The following SNX29 variants were observed in gnomAD, a reference collection of about 807,000 sequenced individuals.
SNX29 encodes the protein sorting nexin 29, also known as sorting nexin-29.
A neutral mutation model predicts 102.1 loss-of-function variants in SNX29; 78 were observed. That is an observed-to-expected ratio of 0.76 (90% CI 0.64 to 0.92). The LOEUF is 0.92. SNX29 is among the 40% of genes least tolerant of loss of function. The pLI is 0.00. For missense variants in SNX29, 1,280 were observed against 1,061.7 expected (o/e 1.21, Z -2.86); for synonymous variants, 580 against 414.5 (o/e 1.40, Z -4.85).
At position 12,572,141 on chromosome 16, in the gene SNX29, A is replaced by C. The variant is rs2079201060; in HGVS notation, c.*3512A>C. ...CCCTTGGCCCTGCTTCATACTTTGG[A>C]GCTTATTAAGATCAATTTTGATAAC... On this transcript the variant is annotated 3_prime_UTR_variant, in exon 21 of 21. Coordinates refer to ENST00000566228, the MANE Select transcript of SNX29 (RefSeq NM_032167.5). The C allele has an allele frequency of 1.0e-6, 1 of 1,002,178 alleles. No homozygotes were observed. Among genetic ancestry groups the C allele is most frequent in the Non-Finnish European group, 1.2e-6 (1 of 822,462 alleles). 62.1% of individuals were successfully genotyped at this position (1,002,178 alleles called of 1,614,324 possible).
At chr16:12,516,893 G>A (rs1423658896) in intron 19 of SNX29, among the ~76,000 whole-genome samples, 2 of 152,178 alleles carry the variant, frequency 1.3e-5, no homozygotes, top group East Asian at 1.9e-4. Context: ...GCTTCCAGGA[G>A]CCTCGTTGTC....
At chr16:12,027,621 C>A (rs1273420621) in intron 4 of SNX29, 177 bp downstream of exon 4, 5 of 691,090 alleles carry the variant, frequency 7.2e-6, no homozygotes, top group Non-Finnish European at 1.1e-5. Context: ...TGTCTGGCAT[C>A]TTAATTTAAA....
chr16:12,136,581 C>T (rs1047941596), intron 13 of SNX29, among the ~76,000 whole-genome samples: 3 of 152,238 alleles, frequency 2.0e-5, no homozygotes, highest in African/African-American at 4.8e-5. Context: ...TCTCCATCTT[C>T]CCTTGGCGCC....
rs903498289 is a variant in SNX29, at chr16:12,572,189, G to T, written c.*3560G>T. On this transcript the variant is annotated 3_prime_UTR_variant, in exon 21 of 21. Coordinates refer to ENST00000566228, the MANE Select transcript of SNX29 (RefSeq NM_032167.5). ...AACCATGTAATTTCTTAGAACCATG[G>T]CAGGTAGTATTGTGCTTTAAAAACC... 8 of 964,412 alleles carry T rather than the reference G, an allele frequency of 8.3e-6. No homozygotes were observed. The African/African-American group carries it at 1.0e-4, about 12-fold the overall frequency. The allele number at this position is 964,412 out of a possible 1,614,324, so 59.7% of individuals were successfully genotyped here.
Position 12,052,165 on chromosome 16 carries a change from A to T in SNX29, c.1067A>T (p.Asp356Val), listed in dbSNP as rs766288806. The change falls in exon 8 of 21, where the codon GAC becomes GTC. Residue 356 changes from aspartate to valine, a missense_variant. Transcript: ENST00000566228. The stretch of plus-strand genomic sequence containing the variant: ...GAAGATGTGGATGAAAACGAAGATG[A>T]CGTGTATGGAAACTCATCAGGAAGG... ...DDEDVDENED[D>V]VYGNSSGRKH... 3 of 1,613,802 alleles carry T rather than the reference A, an allele frequency of 1.9e-6. No homozygotes were observed. The Admixed American group carries it at 5.0e-5, about 27-fold the overall frequency.
At chr16:12,429,126 A>T (rs1253259511) in intron 18 of SNX29, among the ~76,000 whole-genome samples, 4 of 152,190 alleles carry the variant, frequency 2.6e-5, no homozygotes, top group Non-Finnish European at 5.9e-5. Context: ...AGCTCTTTCT[A>T]GTTAGTCCCA....
intron 1 of SNX29, among the ~76,000 whole-genome samples, chr16:11,995,558 C>T (rs149842913): frequency 6.6e-5 from 10 of 151,474 alleles, no homozygotes; most frequent in East Asian, 5.8e-4. Flanking sequence ...CTTCCCCCCC[C>T]ACCCCATCAT....
intron 20 of SNX29, among the ~76,000 whole-genome samples, chr16:12,540,370 T>C (rs566271952): frequency 7.2e-5 from 11 of 152,204 alleles, no homozygotes; most frequent in African/African-American, 2.2e-4. Flanking sequence ...TAATTTCTTA[T>C]TGTTGCCCTA....
chr16:12,293,529 T>C (rs1330528599), intron 15 of SNX29, among the ~76,000 whole-genome samples: 1 of 152,220 alleles, frequency 6.6e-6, no homozygotes, highest in African/African-American at 2.4e-5. Context: ...GGAAGACGTT[T>C]CTAAAGCCTG....
At chr16:12,474,243 G>A (rs376850658) in intron 18 of SNX29, among the ~76,000 whole-genome samples, 1 of 152,170 alleles carries the variant, frequency 6.6e-6, no homozygotes, top group African/African-American at 2.4e-5. Context: ...ATTAACTTGC[G>A]GCTGGGCAGT....
chr16:12,040,930 C>T (rs1340942217), intron 4 of SNX29, among the ~76,000 whole-genome samples: 1 of 152,232 alleles, frequency 6.6e-6, no homozygotes, highest in Non-Finnish European at 1.5e-5. Flanking sequence ...TCTCCTGCCT[C>T]AGCCTCCCAA....
rs558147672 is a variant in SNX29 at position 12,009,228 on chromosome 16, G to C, written c.122+6185G>C. Among the ~76,000 whole-genome samples, 50 of 152,182 alleles carry C rather than the reference G, an allele frequency of 3.3e-4. No homozygotes were observed. In the South Asian group the frequency reaches 4.8e-3, roughly 15 times the overall value. On this transcript the variant is annotated intron_variant, in intron 3 of 20. Transcript: ENST00000566228. ...GTACATATCCTTACACCGAAAAAAA[G>C]CTGCCAAGGTGTTGGTGGATGAGTA...
At chr16:12,316,132 G>T (rs902669678) in intron 15 of SNX29, among the ~76,000 whole-genome samples, 9 of 152,236 alleles carry the variant, frequency 5.9e-5, no homozygotes, top group African/African-American at 2.2e-4. Flanking sequence ...CCCAGGCAGA[G>T]AGACAGCAAA....
chr16:12,403,316 G>T lies in SNX29; in HGVS notation c.1956-132G>T. 2.8e-6 allele frequency: 2 copies of T among 720,952 alleles called. 1 individual carries two copies. Among genetic ancestry groups the T allele is most frequent in the South Asian group, 3.5e-5 (2 of 57,364 alleles). The allele number at this position is 720,952 out of a possible 1,614,324, so 44.7% of individuals were successfully genotyped here. ...CCTTTAGCTTGCCATCAGGTGTGATGTAAGTTGTCATAAATTGCTTGTGCA... is the reference window on the plus strand; with the variant it reads ...CCTTTAGCTTGCCATCAGGTGTGATTTAAGTTGTCATAAATTGCTTGTGCA... On this transcript the variant is annotated intron_variant, in intron 17 of 20. Coordinates refer to ENST00000566228, the MANE Select transcript of SNX29 (RefSeq NM_032167.5).
intron 15 of SNX29, among the ~76,000 whole-genome samples, chr16:12,349,079 G>C (rs1403399349): frequency 6.6e-6 from 1 of 152,250 alleles, no homozygotes; most frequent in Admixed American, 6.5e-5. Flanking sequence ...AGGAAGCTTG[G>C]TGTGTAGTTG....
intron 13 of SNX29, among the ~76,000 whole-genome samples, chr16:12,173,217 T>TA (rs1036334629): frequency 1.3e-5 from 2 of 152,166 alleles, no homozygotes; most frequent in Non-Finnish European, 2.9e-5. Context: ...AGCTATTAGA[T>TA]AAAAGTGGGT....
In SNX29 at chr16:12,199,596, T is replaced by C; in HGVS notation, c.1596-5T>C. The C allele has an allele frequency of 1.9e-6, 3 of 1,611,016 alleles. No homozygotes were observed. Among genetic ancestry groups the C allele is most frequent in the Non-Finnish European group, 2.5e-6 (3 of 1,178,338 alleles). On this transcript the variant is annotated splice_region_variant and splice_polypyrimidine_tract_variant and intron_variant, in intron 13 of 20. Transcript: ENST00000566228. The stretch of plus-strand genomic sequence containing the variant: ...TATATTTTTTTAACATTCTTGTACC[T>C]GCAGAGAGAACGAGGTGCTCAAAGT...
intron 3 of SNX29, among the ~76,000 whole-genome samples, chr16:12,017,533 T>C (rs973723344): frequency 6.6e-6 from 1 of 152,258 alleles, no homozygotes; most frequent in African/African-American, 2.4e-5. Flanking sequence ...TTTTGCCATG[T>C]AGACATTTAC....
intron 19 of SNX29, among the ~76,000 whole-genome samples, chr16:12,491,641 T>G (rs1347461061): frequency 6.6e-6 from 1 of 152,144 alleles, no homozygotes; most frequent in Non-Finnish European, 1.5e-5. Context: ...AACTCCTCAT[T>G]TAGCATTAGG....
Sources: allele counts gnomAD v4.1 joint callset (sites outside exome capture counted in the v4.1 genomes callset), GRCh38; gene constraint gnomAD v4.1.1; transcripts MANE v1.5; gene names NCBI Gene and HGNC (gene_info 2026-07-23, HGNC 2026-07-21).